CDC14B: variants seen among roughly 807,000 people sequenced by gnomAD.
CDC14B encodes dual specificity protein phosphatase CDC14B.
A neutral mutation model predicts 64.2 loss-of-function variants in CDC14B; 22 were observed. The observed-to-expected ratio is 0.34, with a 90% CI of 0.24 to 0.49. CDC14B has a LOEUF of 0.49. CDC14B is among the 20% of genes least tolerant of loss of function. CDC14B has a pLI of 0.99. For synonymous variants in CDC14B, 191 were observed against 215.8 expected (o/e 0.89, Z 1.01); for missense variants, 498 against 629.9 (o/e 0.79, Z 2.24).
chr9:96,496,393 T>TACA, downstream of CDC14B: 1 of 481,866 alleles, frequency 2.1e-6, no homozygotes, highest in Non-Finnish European at 4.1e-6. Context: ...GCGCTGTACT[T>TACA]ACCACCACCA....
intron 12 of CDC14B, among the ~76,000 whole-genome samples, chr9:96,519,507 G>T (rs1270338466): frequency 6.6e-6 from 1 of 152,008 alleles, no homozygotes; most frequent in East Asian, 1.9e-4. Flanking sequence ...AGGCTGAGGT[G>T]GGTGTACCAC....
chr9:96,562,899 G>A (rs917657494), intron 3 of CDC14B, 114 bp from the exon 4 acceptor site: 1 of 718,608 alleles, frequency 1.4e-6, no homozygotes, highest in Admixed American at 2.4e-5. Context: ...TTATTAGCAA[G>A]ACCTTTGAAA....
chr9:96,572,694 G>A (rs928546811), intron 1 of CDC14B, among the ~76,000 whole-genome samples: 2 of 152,052 alleles, frequency 1.3e-5, no homozygotes, highest in African/African-American at 4.8e-5. Context: ...AAAGTCACAC[G>A]ATTATCTCAT....
At chr9:96,527,789 G>A (rs1251587159) in intron 9 of CDC14B, among the ~76,000 whole-genome samples, 3 of 151,920 alleles carry the variant, frequency 2.0e-5, no homozygotes, top group Non-Finnish European at 4.4e-5. Context: ...CTAATTCTTT[G>A]TATTTTTAGT....
intron 1 of CDC14B, among the ~76,000 whole-genome samples, chr9:96,601,612 T>C (rs538621251): frequency 4.6e-4 from 69 of 149,066 alleles, no homozygotes; most frequent in African/African-American, 1.7e-3. Flanking sequence ...CTGGGCAACA[T>C]GGTGAAACCC....
intron 9 of CDC14B, among the ~76,000 whole-genome samples, chr9:96,531,320 A>T (rs1838447309): frequency 6.6e-6 from 1 of 152,030 alleles, no homozygotes; most frequent in Non-Finnish European, 1.5e-5. Flanking sequence ...CTTATTAGTT[A>T]GGGGTCTGTT....
chr9:96,509,207 G>A (rs984858381), intron 13 of CDC14B, among the ~76,000 whole-genome samples: 4 of 152,204 alleles, frequency 2.6e-5, no homozygotes, highest in Non-Finnish European at 5.9e-5. Context: ...AGACAGTGAC[G>A]ACAGTGAAAG....
chr9:96,540,828 G>A (rs1026224928), intron 6 of CDC14B, among the ~76,000 whole-genome samples: 4 of 152,128 alleles, frequency 2.6e-5, no homozygotes, highest in South Asian at 2.1e-4. Flanking sequence ...CCCACACTGA[G>A]GGCCCATGGA....
At chr9:96,606,527 T>TTGTGTGTGTGTGTGTGTGTG (rs376059971) in intron 1 of CDC14B, among the ~76,000 whole-genome samples, 14 of 112,758 alleles carry the variant, frequency 1.2e-4, no homozygotes, top group African/African-American at 3.3e-4. Context: ...TACTAAAAGT[T>TTGTGTGTGTGTGTGTGTGTG]TGTGTGTGTG....
At chr9:96,544,717 G>A (rs1344093047) in intron 5 of CDC14B, among the ~76,000 whole-genome samples, 4 of 152,050 alleles carry the variant, frequency 2.6e-5, no homozygotes, top group Non-Finnish European at 5.9e-5. Context: ...GGCTGGTCTC[G>A]AACTCCTGAG....
At chr9:96,590,277 T>TAATG (rs546950977) in intron 1 of CDC14B, among the ~76,000 whole-genome samples, 145 of 152,338 alleles carry the variant, frequency 9.5e-4, no homozygotes, top group African/African-American at 3.4e-3. Context: ...GAACGTAGCA[T>TAATG]AATGCCCTGA....
At chr9:96,582,676 G>T (rs74351574) in intron 1 of CDC14B, among the ~76,000 whole-genome samples, 9,054 of 152,218 alleles carry the variant, frequency 0.059, 906 homozygotes, top group African/African-American at 0.21. Context: ...AAAATTAAAT[G>T]TATGTTCAAG....
intron 1 of CDC14B, among the ~76,000 whole-genome samples, chr9:96,592,260 T>C (rs1198528001): frequency 2.0e-5 from 3 of 152,046 alleles, no homozygotes; most frequent in Non-Finnish European, 4.4e-5. Context: ...GTATTTTTTG[T>C]AGAGACACGG....
intron 13 of CDC14B, among the ~76,000 whole-genome samples, chr9:96,495,055 C>G (rs1030159471): frequency 2.6e-5 from 4 of 151,680 alleles, no homozygotes; most frequent in African/African-American, 7.3e-5. Flanking sequence ...AGGATGGGCT[C>G]GATCTCCTGA....
chr9:96,573,607 A>G (rs1421377535), intron 1 of CDC14B, among the ~76,000 whole-genome samples: 2 of 151,736 alleles, frequency 1.3e-5, no homozygotes, highest in South Asian at 2.1e-4. Context: ...TTTTCATGAA[A>G]CCTGACATGT....
At chr9:96,564,713 C>A in intron 3 of CDC14B, 64 bp downstream of exon 3, 1 of 932,230 alleles carries the variant, frequency 1.1e-6, no homozygotes, top group East Asian at 2.7e-5. Context: ...GAGATGTTTT[C>A]CTTACTTTCG....
intron 1 of CDC14B, chr9:96,566,673 GC>G (rs1844008847): frequency 8.1e-7 from 1 of 1,233,810 alleles, no homozygotes; most frequent in Non-Finnish European, 1.2e-6. Flanking sequence ...GGCGGCCGGG[GC>G]CCAGACTAGG....
At position 96,534,016 on chromosome 9, in the gene CDC14B, G is replaced by T; in HGVS notation, c.857C>A (p.Ala286Glu). The change falls in exon 9 of 14, where the codon GCG (alanine) becomes GAG (glutamate). Residue 286 changes from alanine to glutamate, a missense_variant. Ala to Glu is a moderately radical substitution (Grantham distance 107). Transcript: ENST00000375241. ...GGCATCAGTAGGGGTGCTGCCATCC[G>T]CAAAGAAAAGATCATGGTGATCGAA... ...AGFDHHDLFF[A>E]DGSTPTDAIV... 1 of 1,612,552 alleles carries T rather than the reference G, an allele frequency of 6.2e-7. No homozygotes were observed. The highest frequency in any genetic ancestry group is 8.5e-7 in the Non-Finnish European group (1 of 1,179,138).
intron 13 of CDC14B, among the ~76,000 whole-genome samples, chr9:96,495,080 T>C (rs528912701): frequency 4.1e-4 from 63 of 152,006 alleles, no homozygotes; most frequent in Non-Finnish European, 6.8e-4. Flanking sequence ...ATGATCCACC[T>C]GCCTCAGCCT....
Sources: allele counts gnomAD v4.1 joint callset (sites outside exome capture counted in the v4.1 genomes callset), GRCh38; gene constraint gnomAD v4.1.1; transcripts MANE v1.5; gene names NCBI Gene and HGNC (gene_info 2026-07-23, HGNC 2026-07-21).